KIAA1217: variants seen among roughly 807,000 people sequenced by gnomAD.
KIAA1217 encodes the protein KIAA1217, also known as sickle tail protein homolog.
Under a neutral mutation model 163.9 loss-of-function variants are expected in KIAA1217, and 88 were observed. That is an observed-to-expected ratio of 0.54 (90% CI 0.45 to 0.64). The LOEUF (loss-of-function observed/expected upper bound fraction) is 0.64. KIAA1217 is among the 30% of genes least tolerant of loss of function. The pLI is 0.00. For missense variants in KIAA1217, 2,372 were observed against 2,475.0 expected (o/e 0.96, Z 0.88); for synonymous variants, 903 against 923.1 (o/e 0.98, Z 0.39).
At chr10:24,418,597 T>C (rs1660796445) in intron 3 of KIAA1217, among the ~76,000 whole-genome samples, 1 of 152,208 alleles carries the variant, frequency 6.6e-6, no homozygotes, top group Non-Finnish European at 1.5e-5. Flanking sequence ...AAAATACCAA[T>C]ACTTTAGCAC....
At chr10:23,967,105 C>T (rs558398026) in intron 1 of KIAA1217, among the ~76,000 whole-genome samples, 27 of 152,046 alleles carry the variant, frequency 1.8e-4, no homozygotes, top group Non-Finnish European at 4.4e-5. Context: ...CCCTTTTAAA[C>T]AACTCCTCAA....
At chr10:23,830,694 G>GTAGGTAGA (rs1486241190) in intron 1 of KIAA1217, among the ~76,000 whole-genome samples, 1 of 151,856 alleles carries the variant, frequency 6.6e-6, no homozygotes, top group Non-Finnish European at 1.5e-5. Context: ...AGGTAGGTAG[G>GTAGGTAGA]TAGGTAGGTA....
intron 1 of KIAA1217, among the ~76,000 whole-genome samples, chr10:24,211,289 G>A (rs1163780425): frequency 6.6e-6 from 1 of 151,482 alleles, no homozygotes; most frequent in East Asian, 1.9e-4. Flanking sequence ...ATCACCTAGG[G>A]CCCATGAAAC....
intron 1 of KIAA1217, among the ~76,000 whole-genome samples, chr10:24,213,756 A>C (rs2130731114): frequency 6.6e-6 from 1 of 152,274 alleles, no homozygotes; most frequent in South Asian, 2.1e-4. Flanking sequence ...TCCTGTCTCT[A>C]TTTTGTCTAA....
intron 2 of KIAA1217, among the ~76,000 whole-genome samples, chr10:24,303,369 G>C (rs1033689834): frequency 1.3e-5 from 2 of 152,100 alleles, no homozygotes; most frequent in Non-Finnish European, 2.9e-5. Flanking sequence ...TCTGTAGGGG[G>C]ATAAGGCAAG....
chr10:24,193,450 G>A (rs1405953368), intron 2 of KIAA1217, among the ~76,000 whole-genome samples: 7 of 152,148 alleles, frequency 4.6e-5, no homozygotes, highest in Non-Finnish European at 1.0e-4. Context: ...TGTAGACAAT[G>A]GGGTCTTTGC....
At position 24,464,695 on chromosome 10, in the gene KIAA1217, A is replaced by C. The variant is rs142366653; in HGVS notation, c.847-8533A>C. On this transcript the variant is annotated intron_variant, in intron 5 of 20. Transcript: ENST00000376454. ...AGGCTGGGCCTCCCTATGTTGCCCA[A>C]GCTGGTCTCAAACTCCTGGGCTCAG... Among the ~76,000 whole-genome samples, 172 of 152,266 alleles carry C rather than the reference A, an allele frequency of 1.1e-3. 2 individuals are homozygous for C. The highest frequency in any genetic ancestry group is 4.0e-3 in the African/African-American group (165 of 41,560).
chr10:24,322,092 G>T (rs1590949735), intron 2 of KIAA1217, among the ~76,000 whole-genome samples: 1 of 152,018 alleles, frequency 6.6e-6, no homozygotes, highest in East Asian at 1.9e-4. Context: ...GGGATCACAG[G>T]TGCATGCTAT....
At chr10:24,024,324 T>C (rs973959724) in intron 2 of KIAA1217, among the ~76,000 whole-genome samples, 2 of 151,728 alleles carry the variant, frequency 1.3e-5, no homozygotes, top group Non-Finnish European at 3.0e-5. Flanking sequence ...TGGTCCTAAA[T>C]AAATGGAATC....
intron 1 of KIAA1217, among the ~76,000 whole-genome samples, chr10:23,879,855 T>A (rs1041837632): frequency 6.6e-6 from 1 of 151,918 alleles, no homozygotes; most frequent in Non-Finnish European, 1.5e-5. Flanking sequence ...GAAGAATTGA[T>A]GGAACAATCC....
In KIAA1217 at chr10:24,511,602, G is replaced by T. The variant is rs563564900; in HGVS notation, c.2002-1657G>T. 6.4e-4 allele frequency among the ~76,000 whole-genome samples: 97 copies of T among 152,058 alleles called. No individual in the cohort carries two copies. The Middle Eastern group carries it at 0.01, about 16-fold the overall frequency. On this transcript the variant is annotated intron_variant, in intron 9 of 20. Coordinates refer to ENST00000376454, the MANE Select transcript of KIAA1217 (RefSeq NM_019590.5). ...GCAGAGGTTGCAGTGAACTGAGATC[G>T]TGCCATTGCACTCCAGCCTGGGCAA...
intron 2 of KIAA1217, among the ~76,000 whole-genome samples, chr10:24,118,410 G>C (rs1411944699): frequency 1.3e-5 from 2 of 152,122 alleles, no homozygotes; most frequent in African/African-American, 2.4e-5. Flanking sequence ...CTAGAAAACC[G>C]AGCGCCTTAA....
intron 2 of KIAA1217, among the ~76,000 whole-genome samples, chr10:24,164,043 A>G (rs2131893167): frequency 6.6e-6 from 1 of 152,326 alleles, no homozygotes; most frequent in Non-Finnish European, 1.5e-5. Flanking sequence ...TTCTAAGTCT[A>G]AAGAGACAGC....
rs2064290466 is a variant in KIAA1217 at position 24,145,944 on chromosome 10, G to A, written c.-170-73682G>A. On this transcript the variant is annotated intron_variant, in intron 2 of 18. Coordinates refer to the KIAA1217 transcript ENST00000376462. Reference sequence around the variant, plus strand: ...TTGAGGGTGGTTCTGCCTCTCCCAAGTCCATTGACTCAACTGTTAATCTCC... The same window carrying A: ...TTGAGGGTGGTTCTGCCTCTCCCAAATCCATTGACTCAACTGTTAATCTCC... 2.6e-5 allele frequency among the ~76,000 whole-genome samples: 4 copies of A among 152,136 alleles called. No individual in the cohort carries two copies. In the South Asian group the frequency reaches 8.3e-4, roughly 32 times the overall value.
At chr10:24,002,942 G>C (rs1846818941) in intron 1 of KIAA1217, among the ~76,000 whole-genome samples, 1 of 152,090 alleles carries the variant, frequency 6.6e-6, no homozygotes, top group East Asian at 1.9e-4. Flanking sequence ...TTGGAATAAT[G>C]GTGTCCAACT....
intron 2 of KIAA1217, among the ~76,000 whole-genome samples, chr10:24,227,269 T>C (rs983254298): frequency 6.6e-6 from 1 of 151,782 alleles, no homozygotes; most frequent in South Asian, 2.1e-4. Flanking sequence ...GCGATTCTCC[T>C]GCCTCAGCCT....
intron 2 of KIAA1217, among the ~76,000 whole-genome samples, chr10:24,342,406 A>G (rs2047201164): frequency 6.6e-6 from 1 of 152,206 alleles, no homozygotes; most frequent in Non-Finnish European, 1.5e-5. Flanking sequence ...TAAGCTGTGC[A>G]CACAATCACA....
At chr10:24,481,600 A>G (rs2133314124) in intron 6 of KIAA1217, 1 of 152,332 alleles carries the variant, frequency 6.6e-6, no homozygotes, top group Middle Eastern at 3.4e-3. Context: ...AATACATTGT[A>G]GGTTAAAGAG....
chr10:24,084,778 C>T (rs1441152832), intron 2 of KIAA1217, among the ~76,000 whole-genome samples: 4 of 152,164 alleles, frequency 2.6e-5, no homozygotes, highest in Non-Finnish European at 4.4e-5. Context: ...ACAAGCAAAG[C>T]CCCTCTGCCT....
Sources: allele counts gnomAD v4.1 joint callset (sites outside exome capture counted in the v4.1 genomes callset), GRCh38; gene constraint gnomAD v4.1.1; transcripts MANE v1.5; gene names NCBI Gene and HGNC (gene_info 2026-07-23, HGNC 2026-07-21).